H2AZ1: variants seen among roughly 807,000 people sequenced by gnomAD.
H2AZ1 encodes the protein H2A.Z variant histone 1.
In H2AZ1, 3 loss-of-function variants were observed where a neutral mutation model predicts 16.6. That is an observed-to-expected ratio of 0.18 (90% CI 0.08 to 0.47). The LOEUF (loss-of-function observed/expected upper bound fraction) is 0.47, where lower values mean the gene tolerates loss of function less well. Ranked by LOEUF, H2AZ1 falls within the 20% of genes least tolerant of loss-of-function variation. The pLI, the probability that H2AZ1 is intolerant of heterozygous loss-of-function variation, is 0.98. For missense variants in H2AZ1, 27 were observed against 163.6 expected, an observed-to-expected ratio of 0.17 and a Z score of 4.55; for synonymous variants, 78 against 60.7, an observed-to-expected ratio of 1.28 and a Z score of -1.32.
rs1293654553 is a variant in H2AZ1 at position 99,948,205 on chromosome 4, AAC to A, written c.*255_*256del. 14 of 644,070 alleles carry A rather than the reference AAC, an allele frequency of 2.2e-5. No homozygotes were observed. The highest frequency in any genetic ancestry group is 3.0e-5 in the East Asian group (1 of 33,872). 39.9% of individuals were successfully genotyped at this position (644,070 alleles called of 1,614,324 possible). Reference sequence around the variant, plus strand: ...ATTAAAATCCAAACAGTTTTTTAAAAACAGTCAACTCAATCAAAACCCACTAC... The same window carrying A: ...ATTAAAATCCAAACAGTTTTTTAAAAAGTCAACTCAATCAAAACCCACTAC... On this transcript the variant is annotated 3_prime_UTR_variant, in exon 5 of 5. Coordinates refer to ENST00000296417, the MANE Select transcript of H2AZ1 (RefSeq NM_002106.4).
intron 4 of H2AZ1, 75 bp from the exon 5 acceptor site, chr4:99,948,598 T>A: frequency 3.2e-6 from 5 of 1,580,116 alleles, no homozygotes; most frequent in Non-Finnish European, 4.3e-6. Flanking sequence ...AGAAAGTGTA[T>A]ACTGTTCAAC....
chr4:99,949,518 C>G (rs746104506), intron 2 of H2AZ1, 132 bp from the exon 3 acceptor site: 9 of 985,198 alleles, frequency 9.1e-6, no homozygotes, highest in Non-Finnish European at 1.5e-5. Context: ...GATTCCTCCC[C>G]CCCATATTTA....
chr4:99,950,237 C>A lies in H2AZ1; in HGVS notation c.-67G>T. On this transcript the variant is annotated 5_prime_UTR_variant, in exon 1 of 5. Coordinates refer to ENST00000296417, the MANE Select transcript of H2AZ1 (RefSeq NM_002106.4). ...GGCTAATCGGACCCACGGTGAGATC[C>A]CACCACCTACTCCTTCGTCGCACCG... is the stretch of plus-strand genomic sequence containing the variant. The A allele has an allele frequency of 6.8e-7, 1 of 1,477,256 alleles. No individual in the cohort carries two copies. Among genetic ancestry groups the A allele is most frequent in the Non-Finnish European group, 9.4e-7 (1 of 1,065,322 alleles). 91.5% of individuals were successfully genotyped at this position (1,477,256 alleles called of 1,614,324 possible).
Position 99,949,759 on chromosome 4 carries a change from C to G in H2AZ1, c.4-19G>C, listed in dbSNP as rs1010103746. The G allele has an allele frequency of 3.1e-6, 5 of 1,597,094 alleles. No homozygotes were observed. In the African/African-American group the frequency reaches 5.4e-5, roughly 17 times the overall value. On this transcript the variant is annotated intron_variant, in intron 1 of 4. Transcript: ENST00000296417. ...CGCCAGCCTGCGGCGCGCACACGCC[C>G]GCGAGCGGAGGAGGAACGGAGAATA... is the stretch of plus-strand genomic sequence containing the variant.
Position 99,950,228 on chromosome 4 carries a change from G to A in H2AZ1, c.-58C>T, listed in dbSNP as rs1727248665. The A allele has an allele frequency of 3.8e-6, 6 of 1,562,778 alleles. No individual in the cohort carries two copies. Among genetic ancestry groups the A allele is most frequent in the South Asian group, 1.1e-5 (1 of 88,356 alleles). ...CAGAGAAAAGGCTAATCGGACCCAC[G>A]GTGAGATCCCACCACCTACTCCTTC... On this transcript the variant is annotated 5_prime_UTR_variant, in exon 1 of 5. Coordinates refer to ENST00000296417, the MANE Select transcript of H2AZ1 (RefSeq NM_002106.4).
chr4:99,948,539 GAATT>G lies in H2AZ1; in HGVS notation c.326-20_326-17del, dbSNP rs767222939. 4.2e-5 allele frequency: 68 copies of G among 1,609,502 alleles called. No homozygotes were observed. The Admixed American group carries it at 4.9e-4, about 12-fold the overall frequency. On this transcript the variant is annotated splice_polypyrimidine_tract_variant and intron_variant, in intron 4 of 4. Coordinates refer to ENST00000296417, the MANE Select transcript of H2AZ1 (RefSeq NM_002106.4). ...GGAATGACACCTAGGAGAGTGACAG[GAATT>G]AATTCTACTTAAGATTTTTTAAAAA... is the stretch of plus-strand genomic sequence containing the variant.
At chr4:99,950,110 G>A in intron 1 of H2AZ1, 58 bp downstream of exon 1, 2 of 1,583,260 alleles carry the variant, frequency 1.3e-6, no homozygotes, top group East Asian at 2.2e-5. Context: ...CTGTGTAACG[G>A]GTTTTTCTCT....
chr4:99,948,672 A>C, intron 4 of H2AZ1, 139 bp downstream of exon 4: 2 of 1,458,564 alleles, frequency 1.4e-6, no homozygotes, highest in Non-Finnish European at 1.8e-6. Flanking sequence ...AGTTATACAT[A>C]TAAATCAAAT....
chr4:99,949,983 C>T (rs1158245602), intron 1 of H2AZ1, 185 bp downstream of exon 1: 2 of 382,938 alleles, frequency 5.2e-6, no homozygotes, highest in African/African-American at 2.1e-5. Flanking sequence ...ACCCAACCGT[C>T]GCCGCCCGCC....
rs943152793 is a variant in H2AZ1, at chr4:99,948,527, G to A, written c.326-4C>T. The stretch of plus-strand genomic sequence containing the variant: ...TTGTGGATGTGTGGAATGACACCTA[G>A]GAGAGTGACAGGAATTAATTCTACT... On this transcript the variant is annotated splice_region_variant and splice_polypyrimidine_tract_variant and intron_variant, in intron 4 of 4. Coordinates refer to ENST00000296417, the MANE Select transcript of H2AZ1 (RefSeq NM_002106.4). 6.2e-7 allele frequency: 1 copy of A among 1,611,218 alleles called. No individual in the cohort carries two copies. The highest frequency in any genetic ancestry group is 2.2e-5 in the East Asian group (1 of 44,848).
Position 99,948,251 on chromosome 4 carries a change from T to C in H2AZ1, c.*211A>G. ...CCACTACTTCAGAATCAATAGCTTCTTTGAAGCCACAGTAACACTTAAATA... is the reference window on the plus strand; with the variant it reads ...CCACTACTTCAGAATCAATAGCTTCCTTGAAGCCACAGTAACACTTAAATA... On this transcript the variant is annotated 3_prime_UTR_variant, in exon 5 of 5. Coordinates refer to ENST00000296417, the MANE Select transcript of H2AZ1 (RefSeq NM_002106.4). 1 of 706,554 alleles carries C rather than the reference T, an allele frequency of 1.4e-6. No individual in the cohort carries two copies. Among genetic ancestry groups the C allele is most frequent in the South Asian group, 1.5e-5 (1 of 67,028 alleles). The allele number at this position is 706,554 out of a possible 1,614,324, so 43.8% of individuals were successfully genotyped here.
At chr4:99,949,226 C>T in intron 3 of H2AZ1, 47 bp downstream of exon 3, 1 of 1,177,748 alleles carries the variant, frequency 8.5e-7, no homozygotes, top group South Asian at 1.3e-5. Context: ...CTTGCCGCCT[C>T]CCCGCCCCCC....
intron 1 of H2AZ1, 59 bp downstream of exon 1, chr4:99,950,109 G>A (rs1256550915): frequency 4.4e-6 from 7 of 1,579,440 alleles, no homozygotes; most frequent in Non-Finnish European, 5.2e-6. Flanking sequence ...TCTGTGTAAC[G>A]GGTTTTTCTC....
intron 1 of H2AZ1, 72 bp from the exon 2 acceptor site, chr4:99,949,812 C>T: frequency 8.1e-7 from 1 of 1,241,138 alleles, no homozygotes; most frequent in Non-Finnish European, 1.1e-6. Flanking sequence ...CGCGCCCATC[C>T]CCCACCGCGG....
At chr4:99,948,604 T>C in intron 4 of H2AZ1, 81 bp from the exon 5 acceptor site, 1 of 1,567,304 alleles carries the variant, frequency 6.4e-7, no homozygotes, top group African/African-American at 1.4e-5. Flanking sequence ...TGTATACTGT[T>C]CAACTTGAAA....
chr4:99,950,029 A>AACC, intron 1 of H2AZ1, 139 bp downstream of exon 1: 1 of 752,364 alleles, frequency 1.3e-6, no homozygotes, highest in South Asian at 1.8e-5. Context: ...CAGCCGACAA[A>AACC]ACACCTCCCC....
chr4:99,949,995 C>G (rs73832925), intron 1 of H2AZ1, 173 bp downstream of exon 1: 1 of 446,816 alleles, frequency 2.2e-6, no homozygotes, highest in Non-Finnish European at 3.7e-6. Context: ...CCGCCCGCCG[C>G]GAGATCCGAG....
At chr4:99,950,108 C>CG (rs1727245240) in intron 1 of H2AZ1, 60 bp downstream of exon 1, 1 of 1,577,516 alleles carries the variant, frequency 6.3e-7, no homozygotes, top group Non-Finnish European at 8.7e-7. Context: ...CTCTGTGTAA[C>CG]GGGTTTTTCT....
chr4:99,949,809 A>G, intron 1 of H2AZ1, 69 bp from the exon 2 acceptor site: 1 of 1,248,646 alleles, frequency 8.0e-7, no homozygotes, highest in Non-Finnish European at 1.1e-6. Flanking sequence ...CGGCGCGCCC[A>G]TCCCCCACCG....
Sources: gnomAD v4.1 joint callset for allele counts on GRCh38, gnomAD v4.1.1 for gene constraint, MANE v1.5 for transcripts, NCBI Gene and HGNC (gene_info 2026-07-23, HGNC 2026-07-21) for gene names.